The following DCAF8 variants were observed in gnomAD, a reference collection of about 807,000 sequenced individuals.
DCAF8 encodes DDB1 and CUL4 associated factor 8.
DCAF8 carries 20 observed loss-of-function variants against 68.0 expected under a neutral mutation model. The ratio of observed to expected loss-of-function variants is 0.29; its 90% CI spans 0.21 to 0.43. The LOEUF is 0.43. Among genes scored for constraint, DCAF8 ranks in the 20% least tolerant of loss-of-function variants. DCAF8 has a pLI of 1.00. For synonymous variants in DCAF8, 230 were observed against 276.9 expected, an observed-to-expected ratio of 0.83 and a Z score of 1.68; for missense variants, 460 against 771.0, an observed-to-expected ratio of 0.60 and a Z score of 4.78.
At position 160,217,491 on chromosome 1, in the gene DCAF8, C is replaced by A. The variant is rs1423231891; in HGVS notation, c.*101G>T. On this transcript the variant is annotated 3_prime_UTR_variant, in exon 14 of 14. Transcript: ENST00000368074. ...CTTTCTTTTATCTAAAGCAAAAAGT[C>A]CAAAGTGCGTTTCTGCTGAATGTAG... 7 of 829,086 alleles carry A rather than the reference C, an allele frequency of 8.4e-6. No homozygotes were observed. The highest frequency in any genetic ancestry group is 1.3e-5 in the Non-Finnish European group (7 of 526,102). 51.4% of individuals were successfully genotyped at this position (829,086 alleles called of 1,614,324 possible). A position where few individuals can be genotyped will look rare whatever the true frequency, so the allele number is the denominator to read the frequency against.
At chr1:160,256,293 T>C (rs1332833212) in intron 2 of DCAF8, among the ~76,000 whole-genome samples, 1 of 152,222 alleles carries the variant, frequency 6.6e-6, no homozygotes, top group South Asian at 2.1e-4. Context: ...TTGCCATTTA[T>C]ATTTCAAATT....
At chr1:160,229,872 A>C (rs976453823) in intron 7 of DCAF8, among the ~76,000 whole-genome samples, 1 of 152,140 alleles carries the variant, frequency 6.6e-6, no homozygotes, top group Non-Finnish European at 1.5e-5. Flanking sequence ...AAATACAAAA[A>C]ATTAGCCAGG....
In DCAF8 at chr1:160,240,056, G is replaced by T; in HGVS notation, c.364C>A (p.Arg122=). The T allele has an allele frequency of 6.2e-7, 1 of 1,614,246 alleles. No individual in the cohort carries two copies. Among genetic ancestry groups the T allele is most frequent in the South Asian group, 1.1e-5 (1 of 91,088 alleles). Residue 122 remains arginine (R), a synonymous_variant, in exon 4 of 14, where the codon CGG becomes AGG. Transcript: ENST00000368074. ...EQPRRRVQRK[R]ANRDQDSSDD... ...GATGAGTCCTGGTCACGGTTAGCCC[G>T]CTTGCGCTGTACACGGCGCCGAGGC...
chr1:160,232,659 G>A lies in DCAF8; in HGVS notation c.960-1252C>T, dbSNP rs371101550. Among the ~76,000 whole-genome samples the A allele has an allele frequency of 9.3e-5, 14 of 150,652 alleles. 1 individual carries two copies. The East Asian group carries it at 2.2e-3, about 23-fold the overall frequency. ...CTGTCTCAAAAAAAAAAAAAAAATT[G>A]TTATAAAAAATTAGCCAGTGTGGTG... On this transcript the variant is annotated intron_variant, in intron 6 of 13. Coordinates refer to ENST00000368074, the MANE Select transcript of DCAF8 (RefSeq NM_015726.4).
intron 3 of DCAF8, among the ~76,000 whole-genome samples, chr1:160,242,255 A>G (rs1656146137): frequency 6.6e-6 from 1 of 152,110 alleles, no homozygotes; most frequent in African/African-American, 2.4e-5. Context: ...AAAAAAAAAA[A>G]AAAAAGCCTC....
rs924125751 is a variant in DCAF8, at chr1:160,227,522, G to C, written c.1071-1859C>G. Among the ~76,000 whole-genome samples the C allele has an allele frequency of 2.0e-5, 3 of 152,160 alleles. No homozygotes were observed. In the East Asian group the frequency reaches 5.8e-4, roughly 29 times the overall value. ...TTCTCCTGCCTCAGCCTCCCAAAGT[G>C]CTGGGATTACAGGTATAAGCCACTA... On this transcript the variant is annotated intron_variant, in intron 7 of 13. Transcript: ENST00000368074.
At chr1:160,255,013 T>A (rs1006392496) in intron 2 of DCAF8, among the ~76,000 whole-genome samples, 3 of 152,210 alleles carry the variant, frequency 2.0e-5, no homozygotes, top group African/African-American at 4.8e-5. Flanking sequence ...CCATTTATAT[T>A]ATTTTTCTAG....
chr1:160,253,965 T>C (rs1454583890), intron 2 of DCAF8, among the ~76,000 whole-genome samples: 1 of 152,212 alleles, frequency 6.6e-6, no homozygotes, highest in Non-Finnish European at 1.5e-5. Flanking sequence ...TTGAATGGAA[T>C]GCTGATTTTC....
chr1:160,243,146 G>A (rs530394761), intron 3 of DCAF8, among the ~76,000 whole-genome samples: 1 of 152,178 alleles, frequency 6.6e-6, no homozygotes, highest in South Asian at 2.1e-4. Flanking sequence ...TAATTTAAAA[G>A]TTGGCTCAGA....
intron 2 of DCAF8, among the ~76,000 whole-genome samples, chr1:160,260,956 T>G (rs1657064993): frequency 6.6e-6 from 1 of 152,110 alleles, no homozygotes. Context: ...TTCCAGTTTT[T>G]AACAACGTAA....
In DCAF8 at chr1:160,217,339, T is replaced by G; in HGVS notation, c.*253A>C. Reference sequence around the variant, plus strand: ...CTTCCCTCTCCTCTCAAAAAGAGGCTTTGGGGAGAGGCCATTTCTGCCGAG... The same window carrying G: ...CTTCCCTCTCCTCTCAAAAAGAGGCGTTGGGGAGAGGCCATTTCTGCCGAG... On this transcript the variant is annotated 3_prime_UTR_variant, in exon 14 of 14. Transcript: ENST00000368074. 1 of 374,128 alleles carries G rather than the reference T, an allele frequency of 2.7e-6. No individual in the cohort carries two copies. Among genetic ancestry groups the G allele is most frequent in the Non-Finnish European group, 4.8e-6 (1 of 210,352 alleles). The allele number at this position is 374,128 out of a possible 1,614,324, so 23.2% of individuals were successfully genotyped here. A position where few individuals can be genotyped will look rare whatever the true frequency, so the allele number is the denominator to read the frequency against.
In DCAF8 at chr1:160,262,474, C is replaced by T; in HGVS notation, c.-126G>A. 1 of 401,046 alleles carries T rather than the reference C, an allele frequency of 2.5e-6. No individual in the cohort carries two copies. The highest frequency in any genetic ancestry group is 4.4e-6 in the Non-Finnish European group (1 of 227,532). 24.8% of individuals were successfully genotyped at this position (401,046 alleles called of 1,614,324 possible). ...ACTGGCCAGCGGCCGCCACCACCAC[C>T]GCCTCCGCTCTCTGCGCTTGCGCCT... is the stretch of plus-strand genomic sequence containing the variant. On this transcript the variant is annotated 5_prime_UTR_variant, in exon 1 of 14. Transcript: ENST00000368074.
intron 6 of DCAF8, among the ~76,000 whole-genome samples, chr1:160,232,381 G>A (rs1280891282): frequency 1.3e-5 from 2 of 152,080 alleles, no homozygotes; most frequent in Non-Finnish European, 1.5e-5. Flanking sequence ...GGTGGCTCAC[G>A]CCTGTAATCC....
chr1:160,254,265 T>C (rs1656732173), intron 2 of DCAF8, among the ~76,000 whole-genome samples: 1 of 151,072 alleles, frequency 6.6e-6, no homozygotes, highest in Non-Finnish European at 1.5e-5. Context: ...GAGGTTGCAA[T>C]GAGCCAAGAT....
At chr1:160,245,101 C>T (rs1656266529) in intron 2 of DCAF8, among the ~76,000 whole-genome samples, 1 of 152,170 alleles carries the variant, frequency 6.6e-6, no homozygotes, top group Non-Finnish European at 1.5e-5. Context: ...CCATCTCATC[C>T]CATTTCATAT....
chr1:160,216,959 A>G lies in DCAF8; in HGVS notation c.*633T>C, dbSNP rs967518683. 1 of 152,572 alleles carries G rather than the reference A, an allele frequency of 6.6e-6. No homozygotes were observed. Among genetic ancestry groups the G allele is most frequent in the Non-Finnish European group, 1.5e-5 (1 of 68,046 alleles). 9.5% of individuals were successfully genotyped at this position (152,572 alleles called of 1,614,324 possible). On this transcript the variant is annotated 3_prime_UTR_variant, in exon 14 of 14. Transcript: ENST00000368074. Reference sequence around the variant, plus strand: ...GTGATGGGATGAAGAGAAGAGAGTGAAGGATATGTAATCAAGTGCAAAATA... The same window carrying G: ...GTGATGGGATGAAGAGAAGAGAGTGGAGGATATGTAATCAAGTGCAAAATA...
chr1:160,224,829 G>C (rs1655412212), intron 9 of DCAF8, among the ~76,000 whole-genome samples: 1 of 152,232 alleles, frequency 6.6e-6, no homozygotes, highest in African/African-American at 2.4e-5. Context: ...CTGGGCTTCA[G>C]GACAGGCCCT....
intron 2 of DCAF8, among the ~76,000 whole-genome samples, chr1:160,257,221 T>C (rs1041803637): frequency 2.0e-5 from 3 of 151,744 alleles, no homozygotes; most frequent in Non-Finnish European, 4.4e-5. Flanking sequence ...GTGTTCCAAA[T>C]AGGTGAGGGT....
chr1:160,254,945 T>A (rs1452357365), intron 2 of DCAF8, among the ~76,000 whole-genome samples: 1 of 152,230 alleles, frequency 6.6e-6, no homozygotes, highest in East Asian at 1.9e-4. Flanking sequence ...ATTACCACCC[T>A]GCAGGAATTT....
Sources: allele counts gnomAD v4.1 joint callset (sites outside exome capture counted in the v4.1 genomes callset), GRCh38; gene constraint gnomAD v4.1.1; transcripts MANE v1.5; gene names NCBI Gene and HGNC (gene_info 2026-07-23, HGNC 2026-07-21).